The following PIGZ variants were observed in gnomAD, a reference collection of about 807,000 sequenced individuals.
PIGZ encodes phosphatidylinositol glycan anchor biosynthesis class Z (Gwada blood group).
In PIGZ, 16 loss-of-function variants were observed where a neutral mutation model predicts 16.4. The observed-to-expected ratio is 0.97, with a 90% CI of 0.66 to 1.48. PIGZ has a LOEUF of 1.48. Ranked by LOEUF, PIGZ falls within the 40% of genes most tolerant of loss-of-function variation. The pLI, the probability that PIGZ is intolerant of heterozygous loss-of-function variation, is 0.00. For missense variants in PIGZ, 770 were observed against 739.2 expected, an observed-to-expected ratio of 1.04 and a Z score of -0.48; for synonymous variants, 409 against 338.4, an observed-to-expected ratio of 1.21 and a Z score of -2.29.
intron 2 of PIGZ, chr3:196,951,424 C>T (rs1717278322): frequency 3.7e-6 from 1 of 273,024 alleles, no homozygotes; most frequent in Non-Finnish European, 7.1e-6. Flanking sequence ...CCTTACCCCT[C>T]TCTTGAATCT....
chr3:196,965,380 C>T lies in PIGZ; in HGVS notation c.-1+3307G>A, dbSNP rs146596837. 2.3e-4 allele frequency among the ~76,000 whole-genome samples: 35 copies of T among 152,252 alleles called. 1 individual carries two copies. The East Asian group carries it at 6.4e-3, about 28-fold the overall frequency. On this transcript the variant is annotated intron_variant, in intron 1 of 2. Transcript: ENST00000412723. This position sits in a 1 kb window ranked among gnomAD's most constrained non-coding sequence, Gnocchi z 4.2. ...AACTCCCTAACTATCCGAAGAACAG[C>T]GTGGGGGAAACCACCCCATGATCCG...
chr3:196,967,210 G>A (rs1485103997), intron 1 of PIGZ, among the ~76,000 whole-genome samples: 1 of 152,140 alleles, frequency 6.6e-6, no homozygotes, highest in Non-Finnish European at 1.5e-5. Flanking sequence ...ATGGGGACAC[G>A]TGTCCAGCTC....
intron 1 of PIGZ, among the ~76,000 whole-genome samples, chr3:196,959,159 G>A (rs905792210): frequency 6.6e-6 from 1 of 152,172 alleles, no homozygotes; most frequent in African/African-American, 2.4e-5. Context: ...TGTGGCCTTC[G>A]ATAGCATGGC....
chr3:196,962,656 TTA>T (rs1560189840), intron 1 of PIGZ, among the ~76,000 whole-genome samples: 18 of 117,288 alleles, frequency 1.5e-4, no homozygotes, highest in African/African-American at 6.7e-4. Context: ...ATACTGATCT[TTA>T]CTGCACGGCA....
At chr3:196,968,397 C>T (rs574466454) in intron 1 of PIGZ, among the ~76,000 whole-genome samples, 3 of 152,314 alleles carry the variant, frequency 2.0e-5, no homozygotes, top group Non-Finnish European at 2.9e-5. Context: ...CGCCCAGACC[C>T]GTGCCCTGGA....
Position 196,947,291 on chromosome 3 carries a change from A to G in PIGZ, c.1606T>C (p.Phe536Leu). Residue 536 changes from phenylalanine (F) to leucine (L), a missense_variant, in exon 3 of 3, where the codon TTC (phenylalanine) becomes CTC (leucine). Transcript: ENST00000412723. ...AAAAGTGTTTCATTCTTGAAGGGGA[A>G]GCTGCACTTCTCCACGGCACGCCTG... ...TTRRAVEKCS[F>L]PFKNETLLFP... 1.9e-6 allele frequency: 3 copies of G among 1,614,164 alleles called. No individual in the cohort carries two copies. Among genetic ancestry groups the G allele is most frequent in the Non-Finnish European group, 2.5e-6 (3 of 1,180,012 alleles).
chr3:196,947,458 G>T lies in PIGZ; in HGVS notation c.1439C>A (p.Ala480Glu). ...RHLLHLPGLG[A>E]PVEVVDMGGT... ...CCCCATGTCCACCACCTCCACTGGTGCCCCCAGGCCTGGGAGGTGTAGGAG... is the reference window on the plus strand; with the variant it reads ...CCCCATGTCCACCACCTCCACTGGTTCCCCCAGGCCTGGGAGGTGTAGGAG... The change falls in exon 3 of 3, where the codon GCA becomes GAA. Residue 480 changes from alanine (A) to glutamate (E), a missense_variant. Coordinates refer to ENST00000412723, the MANE Select transcript of PIGZ (RefSeq NM_025163.4). 6.2e-7 allele frequency: 1 copy of T among 1,613,626 alleles called. No homozygotes were observed. The highest frequency in any genetic ancestry group is 8.5e-7 in the Non-Finnish European group (1 of 1,179,984).
intron 1 of PIGZ, among the ~76,000 whole-genome samples, chr3:196,962,081 A>G (rs896167319): frequency 4.6e-5 from 7 of 152,216 alleles, no homozygotes; most frequent in African/African-American, 9.6e-5. Context: ...TACTGTGTCT[A>G]TGTAGAAAAA....
intron 1 of PIGZ, among the ~76,000 whole-genome samples, chr3:196,956,248 A>G (rs758621167): frequency 2.0e-5 from 3 of 152,174 alleles, no homozygotes; most frequent in Non-Finnish European, 2.9e-5. Flanking sequence ...ACATACCCGA[A>G]ACTGGGTAAT....
intron 1 of PIGZ, among the ~76,000 whole-genome samples, chr3:196,955,996 TTTCTC>T (rs1417229898): frequency 3.3e-5 from 5 of 152,160 alleles, no homozygotes; most frequent in African/African-American, 9.6e-5. Context: ...TTTTTTCTCT[TTTCTC>T]TAACAGTTTG....
At position 196,947,802 on chromosome 3, in the gene PIGZ, G is replaced by C. The variant is rs369851660; in HGVS notation, c.1095C>G (p.Ser365Arg). ...RALGARSLLSSPRSYLLLLYF... is the reference protein window; with the variant it reads ...RALGARSLLSRPRSYLLLLYF... ...AGAGGAGAAGGAGATAGGACCTGGG[G>C]CTGGACAGCAGGCTCCGGGCACCCA... is the stretch of plus-strand genomic sequence containing the variant. Residue 365 changes from serine (S) to arginine (R), a missense_variant, in exon 3 of 3, where the codon AGC becomes AGG. Coordinates refer to ENST00000412723, the MANE Select transcript of PIGZ (RefSeq NM_025163.4). 20 of 1,608,430 alleles carry C rather than the reference G, an allele frequency of 1.2e-5. No homozygotes were observed. The highest frequency in any genetic ancestry group is 1.7e-5 in the Non-Finnish European group (20 of 1,176,430).
At chr3:196,950,184 C>T (rs1381580457) in intron 2 of PIGZ, among the ~76,000 whole-genome samples, 1 of 152,046 alleles carries the variant, frequency 6.6e-6, no homozygotes, top group Non-Finnish European at 1.5e-5. Flanking sequence ...GGGGTTTCGC[C>T]ATGTTGGCCA....
intron 1 of PIGZ, among the ~76,000 whole-genome samples, chr3:196,961,198 G>C (rs528252097): frequency 6.6e-6 from 1 of 152,290 alleles, no homozygotes; most frequent in South Asian, 2.1e-4. Flanking sequence ...AAAGTGCTGT[G>C]TTCTTGAATG....
chr3:196,956,332 C>CA (rs955480463), intron 1 of PIGZ, among the ~76,000 whole-genome samples: 25 of 152,206 alleles, frequency 1.6e-4, no homozygotes, highest in East Asian at 9.7e-4. Context: ...TGGTGGAAGG[C>CA]AAAGGCACGT....
In PIGZ at chr3:196,947,186, G is replaced by T; in HGVS notation, c.1711C>A (p.His571Asn). 1 of 1,565,958 alleles carries T rather than the reference G, an allele frequency of 6.4e-7. No individual in the cohort carries two copies. The highest frequency in any genetic ancestry group is 1.2e-5 in the South Asian group (1 of 82,976). ...GTTTCTTCCCCCAGCTCCACAATGTGAAGACTGAGGTGGTCCCTCCAAGCC... is the reference window on the plus strand; with the variant it reads ...GTTTCTTCCCCCAGCTCCACAATGTTAAGACTGAGGTGGTCCCTCCAAGCC... Reference protein sequence around the residue: ...SGAWRDHLSLHIVELGEET With the variant: ...SGAWRDHLSLNIVELGEET Residue 571 changes from histidine (H) to asparagine (N), a missense_variant, in exon 3 of 3, where the codon CAC (histidine) becomes AAC (asparagine). By Grantham distance (68) the His-to-Asn change is moderately conservative. Transcript: ENST00000412723.
At chr3:196,963,913 G>A (rs544058062) in intron 1 of PIGZ, among the ~76,000 whole-genome samples, 1 of 152,036 alleles carries the variant, frequency 6.6e-6, no homozygotes, top group Non-Finnish European at 1.5e-5. Flanking sequence ...TTATTCTCAT[G>A]GTTTCCATTT....
intron 2 of PIGZ, among the ~76,000 whole-genome samples, chr3:196,950,935 G>A (rs574320026): frequency 6.6e-6 from 1 of 152,162 alleles, no homozygotes; most frequent in African/African-American, 2.4e-5. Context: ...TAATAGAGAT[G>A]GGGTTTCATC....
intron 1 of PIGZ, among the ~76,000 whole-genome samples, chr3:196,967,760 G>C (rs1285436714): frequency 6.6e-6 from 1 of 152,196 alleles, no homozygotes; most frequent in Admixed American, 6.5e-5. Context: ...GAAAGGGCCC[G>C]TGTTTATCCT....
chr3:196,961,126 G>A (rs1427870511), intron 1 of PIGZ, among the ~76,000 whole-genome samples: 1 of 152,190 alleles, frequency 6.6e-6, no homozygotes, highest in African/African-American at 2.4e-5. Flanking sequence ...CGGCTTCGTT[G>A]GGTGCTGCTG....
Sources: allele counts gnomAD v4.1 joint callset (sites outside exome capture counted in the v4.1 genomes callset), GRCh38; gene constraint gnomAD v4.1.1; non-coding constraint Gnocchi (gnomAD v3.1); transcripts MANE v1.5; gene names NCBI Gene and HGNC (gene_info 2026-07-23, HGNC 2026-07-21).